Variants in CEMIP observed in about 807,000 individuals in gnomAD.
CEMIP encodes the protein cell migration-inducing and hyaluronan-binding protein.
A neutral mutation model predicts 156.9 loss-of-function variants in CEMIP; 105 were observed. That is an observed-to-expected ratio of 0.67 (90% CI 0.57 to 0.79). CEMIP has a LOEUF of 0.79. Ranked by LOEUF, CEMIP falls within the 30% of genes least tolerant of loss-of-function variation. The pLI, the probability that CEMIP is intolerant of heterozygous loss-of-function variation, is 0.00. For missense variants in CEMIP, 1,457 were observed against 1,769.4 expected (o/e 0.82, Z 3.17); for synonymous variants, 676 against 668.4 (o/e 1.01, Z -0.17).
intron 10 of CEMIP, among the ~76,000 whole-genome samples, chr15:80,890,424 CAAAAAAA>C (rs35179100): frequency 8.2e-6 from 1 of 121,668 alleles, no homozygotes; most frequent in Non-Finnish European, 1.8e-5. Context: ...ACTAAAAATA[CAAAAAAA>C]AAAAAAAAAT....
rs1256499352 is a variant in CEMIP at position 80,895,885 on chromosome 15, A to G, written c.1236A>G (p.Thr412=). 1 of 1,614,210 alleles carries G rather than the reference A, an allele frequency of 6.2e-7. No individual in the cohort carries two copies. Among genetic ancestry groups the G allele is most frequent in the Non-Finnish European group, 8.5e-7 (1 of 1,180,026 alleles). Reference sequence around the variant, plus strand: ...GGGTTACAGTGAGGCCCAAACTCACAGTCACCATTGACACCAATGTGAACA... The same window carrying G: ...GGGTTACAGTGAGGCCCAAACTCACGGTCACCATTGACACCAATGTGAACA... ...LCGKPVRPKL[T]VTIDTNVNST... The change falls in exon 12 of 30, where the codon ACA becomes ACG. Residue 412 remains threonine, a synonymous_variant. Transcript: ENST00000394685.
chr15:80,855,495 C>CT (rs201410061), intron 1 of CEMIP, among the ~76,000 whole-genome samples: 47 of 147,178 alleles, frequency 3.2e-4, no homozygotes, highest in East Asian at 5.9e-4. Flanking sequence ...GTTGTGCCTT[C>CT]TTTTTTTTTT....
Position 80,942,965 on chromosome 15 carries a change from C to T in CEMIP, c.3720C>T (p.Pro1240=). ...AYIEVDGKKY[P]SSEDGIQVVV... is the part of the protein sequence containing the mutation. Reference sequence around the variant, plus strand: ...TGTAGGTGGATGGGAAGAAGTACCCCAGTTCGGAGGATGGCATCCAGGTGG... The same window carrying T: ...TGTAGGTGGATGGGAAGAAGTACCCTAGTTCGGAGGATGGCATCCAGGTGG... Residue 1240 remains proline (P), a synonymous_variant, in exon 28 of 30, where the codon CCC becomes CCT. Coordinates refer to ENST00000394685, the MANE Select transcript of CEMIP (RefSeq NM_001293298.2). 6.2e-7 allele frequency: 1 copy of T among 1,614,226 alleles called. No homozygotes were observed. Among genetic ancestry groups the T allele is most frequent in the Non-Finnish European group, 8.5e-7 (1 of 1,180,040 alleles).
chr15:80,866,758 C>T (rs905245035), intron 1 of CEMIP, among the ~76,000 whole-genome samples: 2 of 150,100 alleles, frequency 1.3e-5, no homozygotes, highest in Non-Finnish European at 3.0e-5. Flanking sequence ...TGCACTCCAG[C>T]CTGGGCAACA....
chr15:80,872,077 T>A (rs549467707), intron 1 of CEMIP, among the ~76,000 whole-genome samples: 12 of 152,298 alleles, frequency 7.9e-5, no homozygotes, highest in African/African-American at 2.9e-4. Context: ...AGTGTGCTCC[T>A]TTCAGTCCCC....
intron 5 of CEMIP, 90 bp from the exon 6 acceptor site, chr15:80,880,810 A>G (rs1402922071): frequency 2.0e-6 from 2 of 1,021,882 alleles, no homozygotes; most frequent in East Asian, 2.4e-5. Context: ...GGGGTCAGGG[A>G]GCTGAGCTGT....
At chr15:80,941,755 A>G (rs1473516852) in intron 25 of CEMIP, 94 bp from the exon 26 acceptor site, 17 of 1,173,964 alleles carry the variant, frequency 1.4e-5, no homozygotes, top group Non-Finnish European at 2.0e-5. Flanking sequence ...TCTACCTGCT[A>G]TGACCAGCTC....
chr15:80,943,500 C>T (rs1213137344), intron 28 of CEMIP, among the ~76,000 whole-genome samples: 7 of 152,218 alleles, frequency 4.6e-5, no homozygotes, highest in Non-Finnish European at 7.3e-5. Context: ...ACTTGGACAA[C>T]GCCACCTGGA....
intron 1 of CEMIP, among the ~76,000 whole-genome samples, chr15:80,794,088 C>T (rs1896154473): frequency 6.6e-6 from 1 of 152,142 alleles, no homozygotes; most frequent in Non-Finnish European, 1.5e-5. Context: ...AAAGACCCTC[C>T]AGCAGTTTAT....
At chr15:80,825,361 C>A (rs1897010022) in intron 1 of CEMIP, among the ~76,000 whole-genome samples, 1 of 152,088 alleles carries the variant, frequency 6.6e-6, no homozygotes, top group Admixed American at 6.6e-5. Context: ...AATGATGTGT[C>A]AAGAAAAACA....
At chr15:80,825,366 A>AAAACAC (rs1055451503) in intron 1 of CEMIP, among the ~76,000 whole-genome samples, 4 of 152,244 alleles carry the variant, frequency 2.6e-5, no homozygotes, top group African/African-American at 9.6e-5. Context: ...TGTGTCAAGA[A>AAAACAC]AAACACATAG....
rs1899812807 is a variant in CEMIP, at chr15:80,906,561, G to A, written c.1412-102G>A. ...TGAGACCACTGTGCACACCAGGCAT[G>A]GCGATGAGTAAGCAGCAGCCATGGA... is the stretch of plus-strand genomic sequence containing the variant. On this transcript the variant is annotated intron_variant, in intron 12 of 29. Coordinates refer to ENST00000394685, the MANE Select transcript of CEMIP (RefSeq NM_001293298.2). The surrounding 1 kb of genome is among the most constrained non-coding windows in gnomAD (Gnocchi z 4.3). 2.5e-6 allele frequency: 3 copies of A among 1,186,304 alleles called. No individual in the cohort carries two copies. Among genetic ancestry groups the A allele is most frequent in the Non-Finnish European group, 3.7e-6 (3 of 821,792 alleles). 73.5% of individuals were successfully genotyped at this position (1,186,304 alleles called of 1,614,324 possible).
chr15:80,789,437 G>C (rs1896024766), intron 1 of CEMIP, among the ~76,000 whole-genome samples: 1 of 152,194 alleles, frequency 6.6e-6, no homozygotes, highest in Admixed American at 6.5e-5. Flanking sequence ...TGTGTCACTA[G>C]TCTGTGACTG....
chr15:80,818,339 T>A (rs1596110071), intron 1 of CEMIP, among the ~76,000 whole-genome samples: 1 of 152,184 alleles, frequency 6.6e-6, no homozygotes, highest in Non-Finnish European at 1.5e-5. Context: ...TCACTTCTAC[T>A]CATGTATCAT....
In CEMIP at chr15:80,783,078, A is replaced by C. The variant is rs1474555425; in HGVS notation, c.-176+3464A>C. The stretch of plus-strand genomic sequence containing the variant: ...AGACAGAGCAAATGGCAAGAGTGGC[A>C]TTCAGTGGGGAAGGCCAGCAGAGTG... On this transcript the variant is annotated intron_variant, in intron 1 of 29. Coordinates refer to ENST00000394685, the MANE Select transcript of CEMIP (RefSeq NM_001293298.2). 2.6e-5 allele frequency among the ~76,000 whole-genome samples: 4 copies of C among 152,246 alleles called. No homozygotes were observed. The East Asian group carries it at 7.7e-4, about 29-fold the overall frequency.
chr15:80,874,080 G>A (rs1898389920), intron 3 of CEMIP, 107 bp downstream of exon 3: 4 of 1,050,090 alleles, frequency 3.8e-6, no homozygotes, highest in Admixed American at 2.0e-5. Context: ...CCGTGGGAGT[G>A]GGTCAGGGTG....
At chr15:80,907,542 A>G (rs770237764) in intron 13 of CEMIP, among the ~76,000 whole-genome samples, 2 of 152,256 alleles carry the variant, frequency 1.3e-5, no homozygotes, top group Non-Finnish European at 2.9e-5. Flanking sequence ...GCCTGGTGAC[A>G]GAGTGAGACT....
chr15:80,935,908 T>C (rs2141958890), intron 23 of CEMIP, among the ~76,000 whole-genome samples: 1 of 152,266 alleles, frequency 6.6e-6, no homozygotes, highest in Middle Eastern at 3.4e-3. Context: ...CCAGCTAATT[T>C]TGTATTTTTA....
At chr15:80,888,894 G>A (rs1444021719) in intron 9 of CEMIP, 98 bp downstream of exon 9, 1 of 1,095,272 alleles carries the variant, frequency 9.1e-7, no homozygotes, top group East Asian at 2.4e-5. Flanking sequence ...TATACCAGTA[G>A]GACCACTTTA....
Sources: gnomAD v4.1 joint callset for allele counts (sites outside exome capture counted in the v4.1 genomes callset) on GRCh38, gnomAD v4.1.1 for gene constraint, Gnocchi (gnomAD v3.1) non-coding constraint, MANE v1.5 for transcripts, NCBI Gene and HGNC (gene_info 2026-07-23, HGNC 2026-07-21) for gene names.